Variants in ESAM observed in about 807,000 individuals in gnomAD.
The protein encoded by ESAM is endothelial cell adhesion molecule.
Under a neutral mutation model 31.8 loss-of-function variants are expected in ESAM, and 23 were observed. That is an observed-to-expected ratio of 0.72 (90% CI 0.52 to 1.03). ESAM has a LOEUF of 1.03. Among genes scored for constraint, ESAM ranks in the 50% least tolerant of loss-of-function variants. The probability of loss-of-function intolerance (pLI) is 0.00; values close to 1 mark genes in which losing one functional copy is unlikely to be tolerated. For synonymous variants in ESAM, 216 were observed against 207.2 expected (o/e 1.04, Z -0.37); for missense variants, 478 against 488.9 (o/e 0.98, Z 0.21).
intron 4 of ESAM, among the ~76,000 whole-genome samples, chr11:124,755,249 G>T (rs540193950): frequency 2.0e-5 from 3 of 152,246 alleles, no homozygotes; most frequent in African/African-American, 7.2e-5. Flanking sequence ...TTATAACAGT[G>T]AATGTTTAGG....
In ESAM at chr11:124,756,261, A is replaced by T. The variant is rs779168741; in HGVS notation, c.553T>A (p.Tyr185Asn). 6.2e-7 allele frequency: 1 copy of T among 1,614,198 alleles called. No individual in the cohort carries two copies. The highest frequency in any genetic ancestry group is 8.5e-7 in the Non-Finnish European group (1 of 1,180,042). ...QSPRSKPAVQYQWDRQLPSFQ... is the reference protein window; with the variant it reads ...QSPRSKPAVQNQWDRQLPSFQ... ...GATGGAAGCTGCCGATCCCACTGGTATTGGACAGCGGGCTTACTCCTTGGA... is the reference window on the plus strand; with the variant it reads ...GATGGAAGCTGCCGATCCCACTGGTTTTGGACAGCGGGCTTACTCCTTGGA... Residue 185 changes from tyrosine (Y) to asparagine (N), a missense_variant, in exon 4 of 7, where the codon TAC becomes AAC. By Grantham distance (143) the Tyr-to-Asn change is moderately radical (BLOSUM62 -2). Coordinates refer to ENST00000278927, the MANE Select transcript of ESAM (RefSeq NM_138961.3).
chr11:124,758,857 T>C (rs541520660), intron 1 of ESAM, among the ~76,000 whole-genome samples: 10 of 152,256 alleles, frequency 6.6e-5, no homozygotes, highest in African/African-American at 1.7e-4. Context: ...GAGGGGAAGA[T>C]ATGAGAAGAA....
Position 124,756,753 on chromosome 11 carries a change from G to A in ESAM, c.250-11C>T, listed in dbSNP as rs1944160117. ...GATGTAGGACAACACCTGGTGTGGG[G>A]CATAACACATCCCCGTCATTACTAC... is the stretch of plus-strand genomic sequence containing the variant. On this transcript the variant is annotated splice_polypyrimidine_tract_variant and intron_variant, in intron 2 of 6. Transcript: ENST00000278927. 1 of 1,613,458 alleles carries A rather than the reference G, an allele frequency of 6.2e-7. No homozygotes were observed. The highest frequency in any genetic ancestry group is 1.7e-5 in the Admixed American group (1 of 59,932).
Position 124,754,634 on chromosome 11 carries a change from C to T in ESAM, c.730+7G>A. The T allele has an allele frequency of 6.2e-7, 1 of 1,610,796 alleles. No individual in the cohort carries two copies. The highest frequency in any genetic ancestry group is 8.5e-7 in the Non-Finnish European group (1 of 1,178,728). ...ACTCTTCTTAACCACACTTACCCCT[C>T]ACTGACCTGTGCTCACTTCCAGCGT... is the stretch of plus-strand genomic sequence containing the variant. On this transcript the variant is annotated splice_region_variant and intron_variant, in intron 5 of 6. Transcript: ENST00000278927. The surrounding 1 kb of genome is among the most constrained non-coding windows in gnomAD (Gnocchi z 4.5).
At position 124,754,246 on chromosome 11, in the gene ESAM, G is replaced by T. The variant is rs754248557; in HGVS notation, c.825C>A (p.Gly275=). The T allele has an allele frequency of 1.9e-6, 3 of 1,614,022 alleles. No individual in the cohort carries two copies. Among genetic ancestry groups the T allele is most frequent in the South Asian group, 2.2e-5 (2 of 91,080 alleles). The part of the protein sequence containing the change: ...AGLVLLYHRR[G]KALEEPANDI... ...CATTGGCTGGCTCCTCCAGGGCCTT[G>T]CCCCGGCGGTGGTACAAGAGGACCA... is the stretch of plus-strand genomic sequence containing the variant. Residue 275 remains glycine (G), a synonymous_variant, in exon 6 of 7, where the codon GGC becomes GGA. Transcript: ENST00000278927. This position sits in a 1 kb window ranked among gnomAD's most constrained non-coding sequence, Gnocchi z 4.5.
rs773710813 is a variant in ESAM at position 124,756,163 on chromosome 11, C to T, written c.607+44G>A. On this transcript the variant is annotated intron_variant, in intron 4 of 6. Coordinates refer to ENST00000278927, the MANE Select transcript of ESAM (RefSeq NM_138961.3). Reference sequence around the variant, plus strand: ...TCCCTGTGGTACCTCTCATCTTTCCCCTTCCCCAGCCACAGTGTCCACTGT... The same window carrying T: ...TCCCTGTGGTACCTCTCATCTTTCCTCTTCCCCAGCCACAGTGTCCACTGT... The T allele has an allele frequency of 8.1e-6, 13 of 1,611,318 alleles. No homozygotes were observed. The East Asian group carries it at 2.5e-4, about 30-fold the overall frequency.
Position 124,754,442 on chromosome 11 carries a change from C to G in ESAM, c.731-102G>C. 6.6e-7 allele frequency: 1 copy of G among 1,521,250 alleles called. No homozygotes were observed. Among genetic ancestry groups the G allele is most frequent in the Non-Finnish European group, 8.8e-7 (1 of 1,132,808 alleles). 94.2% of individuals were successfully genotyped at this position (1,521,250 alleles called of 1,614,324 possible). On this transcript the variant is annotated intron_variant, in intron 5 of 6. Transcript: ENST00000278927. The surrounding 1 kb of genome is among the most constrained non-coding windows in gnomAD (Gnocchi z 4.5). ...CCATCTGCCACCATACACATTCCCTCTTTTTCCCTGTCAAGAAGAGGGGTG... is the reference window on the plus strand; with the variant it reads ...CCATCTGCCACCATACACATTCCCTGTTTTTCCCTGTCAAGAAGAGGGGTG...
rs1324270595 is a variant in ESAM at position 124,754,629 on chromosome 11, C to A, written c.730+12G>T. ...TGACCACTCTTCTTAACCACACTTA[C>A]CCCTCACTGACCTGTGCTCACTTCC... On this transcript the variant is annotated intron_variant, in intron 5 of 6. Coordinates refer to ENST00000278927, the MANE Select transcript of ESAM (RefSeq NM_138961.3). The surrounding 1 kb of genome is among the most constrained non-coding windows in gnomAD (Gnocchi z 4.5). The A allele has an allele frequency of 1.9e-6, 3 of 1,608,580 alleles. No homozygotes were observed. The highest frequency in any genetic ancestry group is 2.7e-5 in the African/African-American group (2 of 74,690).
rs1944122425 is a variant in ESAM, at chr11:124,753,867, C to T, written c.952G>A (p.Ala318Thr). The change falls in exon 7 of 7, where the codon GCC becomes ACC. Residue 318 changes from alanine (A) to threonine (T), a missense_variant. Physicochemically the swap from Ala to Thr is moderately conservative, Grantham distance 58. Transcript: ENST00000278927. ...GTLSSVTSAR[A>T]LRPPHGPPRP... Reference sequence around the variant, plus strand: ...GGAGGGCCATGGGGTGGCCGGAGGGCTCGTGCGGAGGTGACAGAGGAAAGG... The same window carrying T: ...GGAGGGCCATGGGGTGGCCGGAGGGTTCGTGCGGAGGTGACAGAGGAAAGG... 4 of 1,613,804 alleles carry T rather than the reference C, an allele frequency of 2.5e-6. No homozygotes were observed. The Admixed American group carries it at 6.7e-5, about 27-fold the overall frequency.
At chr11:124,758,663 T>A in intron 1 of ESAM, 136 bp from the exon 2 acceptor site, 1 of 1,069,076 alleles carries the variant, frequency 9.4e-7, no homozygotes, top group Non-Finnish European at 1.3e-6. Context: ...GTCCGGCCCC[T>A]GGAGGCCTCA....
intron 4 of ESAM, among the ~76,000 whole-genome samples, chr11:124,755,511 CCCAACAAA>C (rs1439971972): frequency 5.9e-5 from 9 of 152,178 alleles, no homozygotes; most frequent in Admixed American, 4.6e-4. Context: ...ACCACAATTT[CCCAACAAA>C]CCTGTGAGGT....
In ESAM at chr11:124,756,691, C is replaced by T; in HGVS notation, c.301G>A (p.Val101Ile). The T allele has an allele frequency of 6.2e-7, 1 of 1,614,132 alleles. No homozygotes were observed. The highest frequency in any genetic ancestry group is 8.5e-7 in the Non-Finnish European group (1 of 1,180,042). Residue 101 changes from valine (V) to isoleucine (I), a missense_variant, in exon 3 of 7, where the codon GTC becomes ATC. Physicochemically the swap from Val to Ile is conservative, Grantham distance 29 (BLOSUM62 3). Transcript: ENST00000278927. ...VTTSKPGVSL[V>I]YSMPSRNLSL... ...AGGTTCCGGGAGGGCATGGAGTAGA[C>T]CAAGGATACTCCAGGTTTGCTTGTT...
chr11:124,754,796 C>A lies in ESAM; in HGVS notation c.608-33G>T. ...CACAATTTAGCCATCAGTCCAGGGA[C>A]CCTCTTTCCCATTAAAAAAAAAAAA... On this transcript the variant is annotated intron_variant, in intron 4 of 6. Coordinates refer to ENST00000278927, the MANE Select transcript of ESAM (RefSeq NM_138961.3). The surrounding 1 kb of genome is among the most constrained non-coding windows in gnomAD (Gnocchi z 4.5). The A allele has an allele frequency of 6.4e-7, 1 of 1,558,088 alleles. No individual in the cohort carries two copies. The highest frequency in any genetic ancestry group is 8.6e-7 in the Non-Finnish European group (1 of 1,157,900).
rs566289008 is a variant in ESAM at position 124,754,683 on chromosome 11, C to G, written c.688G>C (p.Val230Leu). The G allele has an allele frequency of 4.0e-5, 64 of 1,614,070 alleles. No individual in the cohort carries two copies. The highest frequency in any genetic ancestry group is 5.3e-5 in the Non-Finnish European group (62 of 1,180,038). The change falls in exon 5 of 7, where the codon GTG becomes CTG. Residue 230 changes from valine (V) to leucine (L), a missense_variant. Physicochemically the swap from Val to Leu is conservative, Grantham distance 32. Transcript: ENST00000278927. The surrounding 1 kb of genome is among the most constrained non-coding windows in gnomAD (Gnocchi z 4.5). ...GVYVCKAHNE[V>L]GTAQCNVTLE... ...GTCACATTACATTGGGCAGTGCCCA[C>G]CTCATTGTGGGCCTTGCAGACATAG...
At chr11:124,756,084 ATCCTCC>A in intron 4 of ESAM, 117 bp downstream of exon 4, 1 of 1,348,112 alleles carries the variant, frequency 7.4e-7, no homozygotes, top group Non-Finnish European at 1.0e-6. Flanking sequence ...TCCTCCCCAC[ATCCTCC>A]TCCTCCTCCC....
chr11:124,757,539 C>T (rs1480011254), intron 2 of ESAM: 1 of 152,200 alleles, frequency 6.6e-6, no homozygotes, highest in Non-Finnish European at 1.5e-5. Context: ...GGTGTCAAAA[C>T]AGATGGGTGG....
chr11:124,754,052 C>G lies in ESAM; in HGVS notation c.858-91G>C. The G allele has an allele frequency of 1.9e-6, 3 of 1,560,604 alleles. No homozygotes were observed. The highest frequency in any genetic ancestry group is 2.6e-6 in the Non-Finnish European group (3 of 1,147,688). Reference sequence around the variant, plus strand: ...GCTTGGTCTTATATACCACCTCTGCCTGCACACTTCAGTACTCCTTTCCCT... The same window carrying G: ...GCTTGGTCTTATATACCACCTCTGCGTGCACACTTCAGTACTCCTTTCCCT... On this transcript the variant is annotated intron_variant, in intron 6 of 6. Transcript: ENST00000278927. The surrounding 1 kb of genome is among the most constrained non-coding windows in gnomAD (Gnocchi z 4.5).
In ESAM at chr11:124,756,378, C is replaced by T; in HGVS notation, c.452-16G>A. ...GCTGGAGGAACTGGGCAGGGGGAGA[C>T]AGATTAAAACCACACCCAGGAGACC... On this transcript the variant is annotated splice_polypyrimidine_tract_variant and intron_variant, in intron 3 of 6. Transcript: ENST00000278927. 3 of 1,587,794 alleles carry T rather than the reference C, an allele frequency of 1.9e-6. No individual in the cohort carries two copies. The highest frequency in any genetic ancestry group is 2.6e-6 in the Non-Finnish European group (3 of 1,166,224).
Position 124,758,361 on chromosome 11 carries a change from T to G in ESAM, c.237A>C (p.Glu79Asp). 1 of 1,614,176 alleles carries G rather than the reference T, an allele frequency of 6.2e-7. No individual in the cohort carries two copies. Among genetic ancestry groups the G allele is most frequent in the East Asian group, 2.2e-5 (1 of 44,878 alleles). Residue 79 changes from glutamate (E) to aspartate (D), a missense_variant, in exon 2 of 7, where the codon GAA (glutamate) becomes GAC (aspartate). Coordinates refer to ENST00000278927, the MANE Select transcript of ESAM (RefSeq NM_138961.3). ...GTTCTTCCCTCACCTGATCCTCCTTTTCTTTCTGTTTGAAGAACCACATCA... is the reference window on the plus strand; with the variant it reads ...GTTCTTCCCTCACCTGATCCTCCTTGTCTTTCTGTTTGAAGAACCACATCA... The part of the protein sequence containing the change: ...PFVMWFFKQK[E>D]KEDQVLSYIN...
Sources: gnomAD v4.1 joint callset for allele counts (sites outside exome capture counted in the v4.1 genomes callset) on GRCh38, gnomAD v4.1.1 for gene constraint, Gnocchi (gnomAD v3.1) non-coding constraint, MANE v1.5 for transcripts, NCBI Gene and HGNC (gene_info 2026-07-23, HGNC 2026-07-21) for gene names.